The following BFSP2 variants were observed in gnomAD, a reference collection of about 807,000 sequenced individuals.
The protein encoded by BFSP2 is phakinin.
Under a neutral mutation model 44.9 loss-of-function variants are expected in BFSP2, and 38 were observed. The ratio of observed to expected loss-of-function variants is 0.85; its 90% CI spans 0.65 to 1.11. The LOEUF is 1.11. Among genes scored for constraint, BFSP2 ranks in the 50% least tolerant of loss-of-function variants. BFSP2 has a pLI of 0.00. For missense variants in BFSP2, 525 were observed against 533.0 expected (o/e 0.99, Z 0.15); for synonymous variants, 197 against 209.9 (o/e 0.94, Z 0.53).
chr3:133,416,580 T>TCCATCTCCCCTATACTCACCCCTG (rs1254276948), intron 1 of BFSP2, among the ~76,000 whole-genome samples: 1 of 89,178 alleles, frequency 1.1e-5, no homozygotes, highest in Non-Finnish European at 2.2e-5. Context: ...ACTAACCCCT[T>TCCATCTCCCCTATACTCACCCCTG]CCATCTCCCC....
intron 4 of BFSP2, among the ~76,000 whole-genome samples, chr3:133,456,684 G>A (rs753330674): frequency 5.9e-5 from 9 of 152,192 alleles, no homozygotes; most frequent in Non-Finnish European, 8.8e-5. Flanking sequence ...CTAGGAGGTC[G>A]AGGTTGCAGT....
intron 1 of BFSP2, among the ~76,000 whole-genome samples, chr3:133,430,391 A>C (rs577908064): frequency 2.6e-5 from 4 of 151,218 alleles, no homozygotes; most frequent in African/African-American, 9.7e-5. Context: ...AAGTGTTCCT[A>C]TTTCTCCACA....
Position 133,422,105 on chromosome 3 carries a change from C to CAAAAAAAAA in BFSP2, c.489+21546_489+21554dup, listed in dbSNP as rs35193779. ...CTGGCAACAAAGCGAGACTCCATCT[C>CAAAAAAAAA]AAAAAAAAAAAAAAAAAAAAATCCA... On this transcript the variant is annotated intron_variant, in intron 1 of 6. Coordinates refer to ENST00000302334, the MANE Select transcript of BFSP2 (RefSeq NM_003571.4). 3.6e-5 allele frequency among the ~76,000 whole-genome samples: 3 copies of CAAAAAAAAA among 84,084 alleles called. 1 individual carries two copies. The highest frequency in any genetic ancestry group is 1.1e-4 in the African/African-American group (2 of 17,400). 55.2% of individuals were successfully genotyped at this position (84,084 alleles called of 152,430 possible).
At chr3:133,409,809 C>A (rs1244844646) in intron 1 of BFSP2, 1 of 152,208 alleles carries the variant, frequency 6.6e-6, no homozygotes, top group Non-Finnish European at 1.5e-5. Flanking sequence ...TACCCCAACT[C>A]CATGGGGACA....
At chr3:133,460,818 A>G (rs1005870043) in intron 4 of BFSP2, among the ~76,000 whole-genome samples, 1 of 152,254 alleles carries the variant, frequency 6.6e-6, no homozygotes, top group African/African-American at 2.4e-5. Flanking sequence ...CTTAAGAGCC[A>G]AGGCAGGTAG....
intron 1 of BFSP2, among the ~76,000 whole-genome samples, chr3:133,405,535 AAAAC>A (rs2073397213): frequency 6.6e-6 from 1 of 152,180 alleles, no homozygotes. Context: ...TTAGAAAAAA[AAAAC>A]AAGAACTAAT....
chr3:133,458,951 G>A (rs1325726486), intron 4 of BFSP2, among the ~76,000 whole-genome samples: 2 of 152,166 alleles, frequency 1.3e-5, no homozygotes, highest in East Asian at 3.9e-4. Flanking sequence ...GGTTCCTGAA[G>A]TCCCTGACTT....
In BFSP2 at chr3:133,424,218, T is replaced by TGTGTGTGTGTGTGTGTGTGTGTGTGTG. The variant is rs1473665826; in HGVS notation, c.490-23099_490-23098insGTGTGTGTGTGTGTGTGTGTGTGTGTG. 4.0e-4 allele frequency among the ~76,000 whole-genome samples: 26 copies of TGTGTGTGTGTGTGTGTGTGTGTGTGTG among 64,796 alleles called. 1 individual carries two copies. Among genetic ancestry groups the TGTGTGTGTGTGTGTGTGTGTGTGTGTG allele is most frequent in the African/African-American group, 1.3e-3 (24 of 19,082 alleles). The allele number at this position is 64,796 out of a possible 152,430, so 42.5% of individuals were successfully genotyped here. On this transcript the variant is annotated intron_variant, in intron 1 of 6. Coordinates refer to ENST00000302334, the MANE Select transcript of BFSP2 (RefSeq NM_003571.4). The stretch of plus-strand genomic sequence containing the variant: ...CTACCACCGCGTCCAGCTAATTTTT[T>TGTGTGTGTGTGTGTGTGTGTGTGTGTG]TTTTTTTTTTTTTTTTTTTTTTTGT...
intron 1 of BFSP2, among the ~76,000 whole-genome samples, chr3:133,416,539 ATC>A (rs2073531942): frequency 9.3e-6 from 1 of 107,558 alleles, no homozygotes; most frequent in Non-Finnish European, 1.9e-5. Context: ...CCCTCTACTC[ATC>A]CCTCTATACA....
At position 133,472,515 on chromosome 3, in the gene BFSP2, G is replaced by A; in HGVS notation, c.1194G>A (p.Leu398=). The A allele has an allele frequency of 6.2e-7, 1 of 1,613,056 alleles. No homozygotes were observed. Among genetic ancestry groups the A allele is most frequent in the Non-Finnish European group, 8.5e-7 (1 of 1,180,012 alleles). Residue 398 remains leucine (L), a synonymous_variant, in exon 6 of 7, where the codon CTG becomes CTA. Coordinates refer to ENST00000302334, the MANE Select transcript of BFSP2 (RefSeq NM_003571.4). ...RAHLLARKCQ[L]QKDVASYHAL... ...ATCTGCTGGCCCGCAAGTGCCAGCT[G>A]CAGAAGGACGTGGCGTCCTACCACG... is the stretch of plus-strand genomic sequence containing the variant.
intron 1 of BFSP2, among the ~76,000 whole-genome samples, chr3:133,421,089 C>T (rs1452629246): frequency 1.3e-5 from 2 of 152,136 alleles, no homozygotes; most frequent in Non-Finnish European, 2.9e-5. Flanking sequence ...AAGTATGCGT[C>T]GGGAAGGGAG....
intron 1 of BFSP2, among the ~76,000 whole-genome samples, chr3:133,430,862 C>G (rs147383327): frequency 0.037 from 5,680 of 152,190 alleles, 134 homozygotes; most frequent in Non-Finnish European, 0.057. Flanking sequence ...CTCCTCCACC[C>G]TGGTCCGCTC....
intron 1 of BFSP2, among the ~76,000 whole-genome samples, chr3:133,401,482 A>G (rs1202283613): frequency 6.6e-6 from 1 of 152,174 alleles, no homozygotes; most frequent in Admixed American, 6.5e-5. Context: ...CAGAGGTTTC[A>G]TCTTTCTCCC....
At chr3:133,447,172 G>A (rs1048543990) in intron 1 of BFSP2, 145 bp from the exon 2 acceptor site, 16 of 753,418 alleles carry the variant, frequency 2.1e-5, no homozygotes, top group Admixed American at 6.4e-5. Context: ...TCCAAAGAGA[G>A]GGACATCTTA....
At chr3:133,421,386 T>C (rs2073591033) in intron 1 of BFSP2, among the ~76,000 whole-genome samples, 1 of 152,224 alleles carries the variant, frequency 6.6e-6, no homozygotes, top group African/African-American at 2.4e-5. Context: ...AGAGAATCGG[T>C]CCCAGGCTGC....
At chr3:133,423,027 C>T (rs2073607090) in intron 1 of BFSP2, among the ~76,000 whole-genome samples, 2 of 152,176 alleles carry the variant, frequency 1.3e-5, no homozygotes, top group Non-Finnish European at 2.9e-5. Flanking sequence ...TGATTTTGAG[C>T]TTCTTTGTTA....
intron 1 of BFSP2, among the ~76,000 whole-genome samples, chr3:133,419,772 C>T (rs1339211027): frequency 1.3e-5 from 2 of 152,198 alleles, no homozygotes; most frequent in Non-Finnish European, 2.9e-5. Context: ...ATAGCACAGC[C>T]CTCCTCGGGA....
intron 1 of BFSP2, among the ~76,000 whole-genome samples, chr3:133,419,568 G>A (rs928839187): frequency 6.6e-6 from 1 of 152,186 alleles, no homozygotes; most frequent in Non-Finnish European, 1.5e-5. Context: ...ACTTTGGGAT[G>A]TGCCTCTTTT....
Position 133,472,540 on chromosome 3 carries a change from G to A in BFSP2, c.1219G>A (p.Ala407Thr), listed in dbSNP as rs545922163. 1.8e-5 allele frequency: 29 copies of A among 1,612,368 alleles called. No homozygotes were observed. In the East Asian group the frequency reaches 6.2e-4, roughly 35 times the overall value. ...GCAGAAGGACGTGGCGTCCTACCAC[G>A]CCCTGCTGGACAGGGAGGAGAGCGG... The part of the protein sequence containing the change: ...QLQKDVASYH[A>T]LLDREESG Residue 407 changes from alanine to threonine, a missense_variant, in exon 6 of 7, where the codon GCC becomes ACC. Coordinates refer to ENST00000302334, the MANE Select transcript of BFSP2 (RefSeq NM_003571.4).
Sources: gnomAD v4.1 joint callset for allele counts (sites outside exome capture counted in the v4.1 genomes callset) on GRCh38, gnomAD v4.1.1 for gene constraint, MANE v1.5 for transcripts, NCBI Gene and HGNC (gene_info 2026-07-23, HGNC 2026-07-21) for gene names.